The following ST18 variants were observed in gnomAD, a reference collection of about 807,000 sequenced individuals.
ST18 encodes suppression of tumorigenicity 18 protein.
In ST18, 50 loss-of-function variants were observed where a neutral mutation model predicts 110.0. The ratio of observed to expected loss-of-function variants is 0.45; its 90% confidence interval spans 0.36 to 0.58. The LOEUF is 0.58. Ranked by LOEUF, ST18 falls within the 20% of genes least tolerant of loss-of-function variation. The pLI is 0.00. For missense variants in ST18, 1,306 were observed against 1,280.1 expected (o/e 1.02, Z -0.31); for synonymous variants, 461 against 452.4 (o/e 1.02, Z -0.24).
intron 8 of ST18, among the ~76,000 whole-genome samples, chr8:52,189,892 T>A (rs1415187094): frequency 1.3e-5 from 2 of 152,198 alleles, no homozygotes; most frequent in South Asian, 2.1e-4. Flanking sequence ...CATATTGGCT[T>A]CTTGGCTAGT....
chr8:52,203,576 GGT>G (rs2078803839), intron 8 of ST18, among the ~76,000 whole-genome samples: 2 of 152,172 alleles, frequency 1.3e-5, no homozygotes, highest in South Asian at 4.2e-4. Flanking sequence ...AAATTTATGA[GGT>G]GTCAGAAACA....
intron 2 of ST18, among the ~76,000 whole-genome samples, chr8:52,334,502 A>G (rs771969453): frequency 1.3e-5 from 2 of 152,226 alleles, no homozygotes; most frequent in Non-Finnish European, 2.9e-5. Context: ...TTAAATGTAT[A>G]CAAGGATAAC....
chr8:52,407,256 C>T (rs1844849374), intron 2 of ST18: 2 of 152,138 alleles, frequency 1.3e-5, no homozygotes, highest in Non-Finnish European at 2.9e-5. Context: ...TAGAGTATCA[C>T]GTGTTTTATT....
At chr8:52,130,333 C>G (rs2049072441) in intron 22 of ST18, among the ~76,000 whole-genome samples, 1 of 152,108 alleles carries the variant, frequency 6.6e-6, no homozygotes, top group South Asian at 2.1e-4. Flanking sequence ...GTTCTGTCAC[C>G]AGGCTTGAGT....
At chr8:52,300,069 T>C (rs946783865) in intron 2 of ST18, among the ~76,000 whole-genome samples, 11 of 152,208 alleles carry the variant, frequency 7.2e-5, no homozygotes, top group African/African-American at 2.7e-4. Context: ...TTGTAAATGG[T>C]TTTCAGCCTT....
intron 2 of ST18, among the ~76,000 whole-genome samples, chr8:52,258,732 C>G (rs1034622084): frequency 1.8e-4 from 27 of 152,158 alleles, no homozygotes; most frequent in African/African-American, 6.5e-4. Context: ...CTTTTTATTG[C>G]TGGACTGTCT....
chr8:52,293,813 T>A (rs1025594038), intron 2 of ST18, among the ~76,000 whole-genome samples: 2 of 152,176 alleles, frequency 1.3e-5, no homozygotes, highest in Admixed American at 1.3e-4. Context: ...TTTTGAACTG[T>A]AACACACTAC....
At position 52,113,182 on chromosome 8, in the gene ST18, C is replaced by T. The variant is rs967148305; in HGVS notation, c.*16G>A. On this transcript the variant is annotated 3_prime_UTR_variant, in exon 26 of 26. Transcript: ENST00000689386. ...ACTGCTGTTGGTAACTTCTGTTGCC[C>T]GGCAGCGCTGTGATCCTACACATGG... 2 of 1,612,750 alleles carry T rather than the reference C, an allele frequency of 1.2e-6. No individual in the cohort carries two copies. Among genetic ancestry groups the T allele is most frequent in the Non-Finnish European group, 1.7e-6 (2 of 1,179,516 alleles).
At chr8:52,125,445 G>A (rs1054355176) in intron 23 of ST18, among the ~76,000 whole-genome samples, 4 of 152,024 alleles carry the variant, frequency 2.6e-5, no homozygotes, top group African/African-American at 7.2e-5. Context: ...ACACACGTGA[G>A]AGAGACTGAA....
Position 52,180,212 on chromosome 8 carries a change from G to A in ST18, c.187C>T (p.His63Tyr), listed in dbSNP as rs1458584010. The A allele has an allele frequency of 6.2e-7, 1 of 1,614,164 alleles. No homozygotes were observed. Among genetic ancestry groups the A allele is most frequent in the Non-Finnish European group, 8.5e-7 (1 of 1,180,034 alleles). ...TGGCAGTCTGCTTTTGGGCTGTAGT[G>A]TCGGGGCTTCATTAGCAGGGATTTC... is the stretch of plus-strand genomic sequence containing the variant. ...KRKSLLMKPR[H>Y]YSPKADCQED... Residue 63 changes from histidine (H) to tyrosine (Y), a missense_variant, in exon 9 of 26, where the codon CAC (histidine) becomes TAC (tyrosine). By Grantham distance (83) the His-to-Tyr change is moderately conservative. Transcript: ENST00000689386.
At chr8:52,182,295 T>C (rs1227164088) in intron 8 of ST18, among the ~76,000 whole-genome samples, 1 of 152,176 alleles carries the variant, frequency 6.6e-6, no homozygotes, top group Non-Finnish European at 1.5e-5. Context: ...CTGGATCATA[T>C]GGTAGTTGTA....
chr8:52,332,996 G>C (rs1245020881), intron 2 of ST18, among the ~76,000 whole-genome samples: 1 of 152,084 alleles, frequency 6.6e-6, no homozygotes, highest in East Asian at 1.9e-4. Context: ...TGGGGAGGCT[G>C]AATCACTTGC....
At chr8:52,388,809 C>A (rs1420208998) in intron 2 of ST18, among the ~76,000 whole-genome samples, 2 of 93,260 alleles carry the variant, frequency 2.1e-5, no homozygotes, top group African/African-American at 9.0e-5. Flanking sequence ...ACTCCGGGGA[C>A]TGTTGTGGGG....
At position 52,149,764 on chromosome 8, in the gene ST18, T is replaced by C; in HGVS notation, c.2020A>G (p.Lys674Glu). Residue 674 changes from lysine to glutamate, a missense_variant, in exon 16 of 26, where the codon AAA (lysine) becomes GAA (glutamate). Physicochemically the swap from Lys to Glu is moderately conservative, Grantham distance 56 (BLOSUM62 1). Transcript: ENST00000689386. ...TCCTCCTCTGTCTTCCCGTGAGTTT[T>C]GCTATAGTTGATAGGAGTGTCCCAG... The part of the protein sequence containing the change: ...EGWDTPINYS[K>E]THGKTEEEKE... The C allele has an allele frequency of 6.2e-7, 1 of 1,614,150 alleles. No homozygotes were observed. The highest frequency in any genetic ancestry group is 8.5e-7 in the Non-Finnish European group (1 of 1,180,004).
chr8:52,223,864 T>A (rs2088055062), intron 3 of ST18, among the ~76,000 whole-genome samples: 1 of 152,164 alleles, frequency 6.6e-6, no homozygotes, highest in African/African-American at 2.4e-5. Flanking sequence ...GACCATTCTG[T>A]GGTTCTGATA....
chr8:52,243,436 C>G (rs2093601734), intron 2 of ST18, among the ~76,000 whole-genome samples: 1 of 152,122 alleles, frequency 6.6e-6, no homozygotes, highest in Non-Finnish European at 1.5e-5. Context: ...TCATTTGACA[C>G]TATATTGCTG....
At chr8:52,159,511 G>A (rs2060878110) in intron 14 of ST18, among the ~76,000 whole-genome samples, 2 of 152,082 alleles carry the variant, frequency 1.3e-5, no homozygotes, top group East Asian at 1.9e-4. Context: ...TGTGAGGACC[G>A]GTGATTCCAG....
intron 17 of ST18, among the ~76,000 whole-genome samples, chr8:52,140,890 AAC>A (rs1329085784): frequency 6.6e-6 from 1 of 152,190 alleles, no homozygotes; most frequent in Non-Finnish European, 1.5e-5. Flanking sequence ...TATTAAAAAT[AAC>A]ACATGAAAAA....
intron 3 of ST18, among the ~76,000 whole-genome samples, chr8:52,227,787 G>A (rs979607012): frequency 1.3e-5 from 2 of 152,186 alleles, no homozygotes; most frequent in South Asian, 2.1e-4. Flanking sequence ...TTCCAATAGC[G>A]TTTTGATGGC....
Sources: allele counts gnomAD v4.1 joint callset (sites outside exome capture counted in the v4.1 genomes callset), GRCh38; gene constraint gnomAD v4.1.1; transcripts MANE v1.5; gene names NCBI Gene and HGNC (gene_info 2026-07-23, HGNC 2026-07-21).